Variants in TAOK2 observed in about 807,000 individuals in gnomAD.
TAOK2 encodes TAO kinase 2, also known as serine/threonine-protein kinase TAO2.
A neutral mutation model predicts 122.5 loss-of-function variants in TAOK2; 42 were observed. That is an observed-to-expected ratio of 0.34 (90% confidence interval 0.27 to 0.44). TAOK2 has a LOEUF of 0.44. Ranked by LOEUF, TAOK2 falls within the 20% of genes least tolerant of loss-of-function variation. TAOK2 has a pLI of 1.00. For synonymous variants in TAOK2, 704 were observed against 677.6 expected (o/e 1.04, Z -0.61); for missense variants, 1,264 against 1,644.9 (o/e 0.77, Z 4.01).
At position 29,987,890 on chromosome 16, in the gene TAOK2, G is replaced by GC; in HGVS notation, c.3623dup (p.Ala1209CysfsTer41). On this transcript the variant is annotated frameshift_variant, in exon 16 of 16. Transcript: ENST00000308893. LOFTEE classifies it high-confidence loss of function. ...TACCACGCAGCCAGCGCCAGCTAGGGCCCCCTGCCTCCCGCCAGCCACTGC... is the reference window on the plus strand; with the variant it reads ...TACCACGCAGCCAGCGCCAGCTAGGGCCCCCCTGCCTCCCGCCAGCCACTGC... The GC allele has an allele frequency of 6.3e-7, 1 of 1,596,142 alleles. No individual in the cohort carries two copies. The highest frequency in any genetic ancestry group is 8.5e-7 in the Non-Finnish European group (1 of 1,175,052).
chr16:29,983,582 C>T lies in TAOK2; in HGVS notation c.1340C>T (p.Pro447Leu). ...CTCCAGCCGCCTGCAGCCCCAGCTC[C>T]CACTTCCACCACCTCTTCCGCCCGC... ...SPLQPPAAPA[P>L]TSTTSSARRR... Residue 447 changes from proline (P) to leucine (L), a missense_variant, in exon 13 of 16, where the codon CCC becomes CTC. Coordinates refer to ENST00000308893, the MANE Select transcript of TAOK2 (RefSeq NM_016151.4). The T allele has an allele frequency of 1.2e-6, 2 of 1,614,042 alleles. No individual in the cohort carries two copies. The highest frequency in any genetic ancestry group is 1.1e-5 in the South Asian group (1 of 91,086).
rs1376374917 is a variant in TAOK2 at position 29,983,595 on chromosome 16, C to T, written c.1353C>T (p.Thr451=). ...PPAAPAPTST[T]SSARRRAYCR... is the part of the protein sequence containing the mutation. ...CAGCCCCAGCTCCCACTTCCACCAC[C>T]TCTTCCGCCCGCCGCCGGGCCTACT... Residue 451 remains threonine, a synonymous_variant, in exon 13 of 16, where the codon ACC becomes ACT. Transcript: ENST00000308893. 2.5e-6 allele frequency: 4 copies of T among 1,613,894 alleles called. No individual in the cohort carries two copies. Among genetic ancestry groups the T allele is most frequent in the Non-Finnish European group, 2.5e-6 (3 of 1,180,028 alleles).
chr16:29,977,405 G>A (rs1055863773), intron 1 of TAOK2, among the ~76,000 whole-genome samples: 1 of 152,172 alleles, frequency 6.6e-6, no homozygotes, highest in Admixed American at 6.5e-5. Context: ...TGCTGGCTGG[G>A]AAGCAGAATG....
In TAOK2 at chr16:29,982,868, C is replaced by T. The variant is rs199673794; in HGVS notation, c.966C>T (p.Asn322=). 1.7e-5 allele frequency: 27 copies of T among 1,614,076 alleles called. No individual in the cohort carries two copies. Among genetic ancestry groups the T allele is most frequent in the African/African-American group, 1.1e-4 (8 of 75,022 alleles). Residue 322 remains asparagine (N), a synonymous_variant, in exon 11 of 16, where the codon AAC becomes AAT. Coordinates refer to ENST00000308893, the MANE Select transcript of TAOK2 (RefSeq NM_016151.4). ...MKKILFQEAP[N]GPGAEAPEEE... is the part of the protein sequence containing the mutation. The stretch of plus-strand genomic sequence containing the variant: ...AGATCCTGTTCCAAGAGGCACCCAA[C>T]GGCCCTGGTGCCGAGGCCCCAGAGG...
Position 29,986,242 on chromosome 16 carries a change from G to A in TAOK2, c.1993-23G>A. 1.3e-6 allele frequency: 2 copies of A among 1,508,356 alleles called. No individual in the cohort carries two copies. Among genetic ancestry groups the A allele is most frequent in the Non-Finnish European group, 1.8e-6 (2 of 1,129,422 alleles). 93.4% of individuals were successfully genotyped at this position (1,508,356 alleles called of 1,614,324 possible). ...TTCCTTGATACTGACCAGGCCCCGGGCCCTGCATTTCTTCTGCCTCAGGAC... is the reference window on the plus strand; with the variant it reads ...TTCCTTGATACTGACCAGGCCCCGGACCCTGCATTTCTTCTGCCTCAGGAC... On this transcript the variant is annotated intron_variant, in intron 15 of 15. Transcript: ENST00000308893. This position sits in a 1 kb window ranked among gnomAD's most constrained non-coding sequence, Gnocchi z 4.2.
rs1184850278 is a variant in TAOK2 at position 29,986,339 on chromosome 16, G to A, written c.2067G>A (p.Glu689=). The change falls in exon 16 of 16, where the codon GAG becomes GAA. Residue 689 remains glutamate (E), a synonymous_variant. Transcript: ENST00000308893. The surrounding 1 kb of genome is among the most constrained non-coding windows in gnomAD (Gnocchi z 4.2). ...LLLRQHEATR[E]LELRQLQAVQ... Reference sequence around the variant, plus strand: ...TTCGGCAGCACGAGGCCACGCGGGAGCTGGAGCTGCGGCAGCTCCAGGCCG... The same window carrying A: ...TTCGGCAGCACGAGGCCACGCGGGAACTGGAGCTGCGGCAGCTCCAGGCCG... The A allele has an allele frequency of 4.4e-6, 7 of 1,580,890 alleles. No individual in the cohort carries two copies. In the South Asian group the frequency reaches 7.9e-5, roughly 18 times the overall value.
At position 29,985,196 on chromosome 16, in the gene TAOK2, CCT is replaced by C. The variant is rs1220071756; in HGVS notation, c.1423-11_1423-10del. ...GGCCAGGCTGAGCCCCAGCTCTCAC[CCT>C]CTCTCCTTCCCCAGGTCAGCCGTCA... On this transcript the variant is annotated splice_polypyrimidine_tract_variant and intron_variant, in intron 13 of 15. Transcript: ENST00000308893. This position sits in a 1 kb window ranked among gnomAD's most constrained non-coding sequence, Gnocchi z 6.9. 1 of 1,493,256 alleles carries C rather than the reference CCT, an allele frequency of 6.7e-7. No individual in the cohort carries two copies. The highest frequency in any genetic ancestry group is 1.4e-5 in the African/African-American group (1 of 71,224). The allele number at this position is 1,493,256 out of a possible 1,614,324, so 92.5% of individuals were successfully genotyped here. A position where few individuals can be genotyped will look rare whatever the true frequency, so the allele number is the denominator to read the frequency against.
intron 10 of TAOK2, among the ~76,000 whole-genome samples, chr16:29,982,237 G>A (rs1282297681): frequency 6.6e-6 from 1 of 152,240 alleles, no homozygotes; most frequent in African/African-American, 2.4e-5. Context: ...CTGATCTGAT[G>A]TAATGCAAGC....
At position 29,985,890 on chromosome 16, in the gene TAOK2, C is replaced by T. The variant is rs762587614; in HGVS notation, c.1992+29C>T. On this transcript the variant is annotated intron_variant, in intron 15 of 15. Transcript: ENST00000308893. The surrounding 1 kb of genome is among the most constrained non-coding windows in gnomAD (Gnocchi z 6.9). The stretch of plus-strand genomic sequence containing the variant: ...GGCATCCCAATCTCTGTTCCCCTCC[C>T]GCTCACTCGTGGATCCCAGGGACCC... The T allele has an allele frequency of 9.7e-5, 156 of 1,602,808 alleles. 4 individuals are homozygous for T. In the South Asian group the frequency reaches 1.4e-3, roughly 14 times the overall value.
rs1245208748 is a variant in TAOK2, at chr16:29,987,240, C to G, written c.2968C>G (p.Leu990Val). Residue 990 changes from leucine (L) to valine (V), a missense_variant, in exon 16 of 16, where the codon CTG becomes GTG. Around this residue, in one of 4 missense-constraint regions of TAOK2, gnomAD observed 824 missense variants for 908.7 expected, o/e 0.91. Coordinates refer to ENST00000308893, the MANE Select transcript of TAOK2 (RefSeq NM_016151.4). The stretch of plus-strand genomic sequence containing the variant: ...TGGGGGTGGCCTGCAGGCAGCGCTG[C>G]TGGCCCTTGAGGTGGGGCTGGTGGG... ...QGGGGLQAALLALEVGLVGLG... is the reference protein window; with the variant it reads ...QGGGGLQAALVALEVGLVGLG... 1 of 1,537,320 alleles carries G rather than the reference C, an allele frequency of 6.5e-7. No homozygotes were observed. Among genetic ancestry groups the G allele is most frequent in the African/African-American group, 1.4e-5 (1 of 72,142 alleles).
At chr16:29,991,310 T>C (rs1272611681), downstream of TAOK2, 3 of 1,610,240 alleles carry the variant, frequency 1.9e-6, no homozygotes. This position sits in a 1 kb window ranked among gnomAD's most constrained non-coding sequence, Gnocchi z 5.6. Flanking sequence ...GCATGCCCCC[T>C]CCAGCCTGGC....
At chr16:29,981,600 A>G (rs535689309) in intron 8 of TAOK2, 61 bp from the exon 9 acceptor site, 25 of 1,528,808 alleles carry the variant, frequency 1.6e-5, no homozygotes, top group East Asian at 1.1e-4. Flanking sequence ...TCTCAGTTCC[A>G]TTCCATTGTC....
rs1342978277 is a variant in TAOK2 at position 29,979,977 on chromosome 16, A to G, written c.655+469A>G. On this transcript the variant is annotated intron_variant, in intron 8 of 15. Coordinates refer to ENST00000308893, the MANE Select transcript of TAOK2 (RefSeq NM_016151.4). This position sits in a 1 kb window ranked among gnomAD's most constrained non-coding sequence, Gnocchi z 4.1. The stretch of plus-strand genomic sequence containing the variant: ...TCCTTGTAGGAGAATATTGAAGCCA[A>G]CCTGCAAGATAAATAATAGCTGTTT... Among the ~76,000 whole-genome samples, 1 of 152,230 alleles carries G rather than the reference A, an allele frequency of 6.6e-6. No individual in the cohort carries two copies. The highest frequency in any genetic ancestry group is 2.4e-5 in the African/African-American group (1 of 41,448).
chr16:29,980,916 T>G (rs2069592654), intron 8 of TAOK2: 1 of 152,296 alleles, frequency 6.6e-6, no homozygotes, highest in East Asian at 1.9e-4. Flanking sequence ...GGGCAGCTAA[T>G]GCTTATCTCC....
chr16:29,986,638 T>G lies in TAOK2; in HGVS notation c.2366T>G (p.Leu789Arg). The G allele has an allele frequency of 6.2e-7, 1 of 1,611,740 alleles. No homozygotes were observed. The highest frequency in any genetic ancestry group is 8.5e-7 in the Non-Finnish European group (1 of 1,179,156). The change falls in exon 16 of 16, where the codon CTT (leucine) becomes CGT (arginine). Residue 789 changes from leucine to arginine, a missense_variant. By Grantham distance (102) the Leu-to-Arg change is moderately radical. Around this residue, in one of 4 missense-constraint regions of TAOK2, gnomAD observed 824 missense variants for 908.7 expected, o/e 0.91. Transcript: ENST00000308893. The surrounding 1 kb of genome is among the most constrained non-coding windows in gnomAD (Gnocchi z 4.2). ...GQEAVLDQRM[L>R]GEEEEAVGER... ...GAGGCAGTCCTGGACCAAAGAATGC[T>G]TGGCGAGGAGGAGGAAGCAGTTGGA...
downstream of TAOK2, chr16:29,989,438 C>G (rs2069912068): frequency 1.0e-6 from 1 of 984,160 alleles, no homozygotes; most frequent in African/African-American, 1.8e-5. Context: ...AACATGTTTT[C>G]TGTTTCTCTC....
chr16:29,978,220 C>T (rs1486439363), intron 3 of TAOK2, 32 bp from the exon 4 acceptor site: 4 of 1,613,836 alleles, frequency 2.5e-6, no homozygotes, highest in Admixed American at 3.3e-5. Flanking sequence ...AAGATGCAAG[C>T]TGGGTAACCT....
rs748459741 is a variant in TAOK2, at chr16:29,987,923, T to C, written c.3651T>C (p.Thr1217=). The change falls in exon 16 of 16, where the codon ACT becomes ACC. Residue 1217 remains threonine, a synonymous_variant. Transcript: ENST00000308893. ...PPASRQPLPG[T]LAGRRSRTRQ... is the part of the protein sequence containing the mutation. Reference sequence around the variant, plus strand: ...CCTCCCGCCAGCCACTGCCAGGGACTCTAGCCGGGCGGAGGTCACGCACCC... The same window carrying C: ...CCTCCCGCCAGCCACTGCCAGGGACCCTAGCCGGGCGGAGGTCACGCACCC... The C allele has an allele frequency of 2.6e-6, 4 of 1,559,878 alleles. No individual in the cohort carries two copies. In the African/African-American group the frequency reaches 5.4e-5, roughly 21 times the overall value.
Position 29,986,713 on chromosome 16 carries a change from AGAG to A in TAOK2, c.2444_2446del (p.Arg815del). The A allele has an allele frequency of 6.2e-7, 1 of 1,614,032 alleles. No individual in the cohort carries two copies. Among genetic ancestry groups the A allele is most frequent in the South Asian group, 1.1e-5 (1 of 91,068 alleles). On this transcript the variant is annotated inframe_deletion, in exon 16 of 16. Coordinates refer to ENST00000308893, the MANE Select transcript of TAOK2 (RefSeq NM_016151.4). The surrounding 1 kb of genome is among the most constrained non-coding windows in gnomAD (Gnocchi z 4.2). ...GGGGCCACTTTGGAGCCCAAGCAGCAGAGGATTCTGGGGGAAGAATCAGGAGCC... is the reference window on the plus strand; with the variant it reads ...GGGGCCACTTTGGAGCCCAAGCAGCAGATTCTGGGGGAAGAATCAGGAGCC...
Sources: gnomAD v4.1 joint callset for allele counts (sites outside exome capture counted in the v4.1 genomes callset) on GRCh38, gnomAD v4.1.1 for gene constraint, gnomAD v4.1.1 regional missense constraint, Gnocchi (gnomAD v3.1) non-coding constraint, MANE v1.5 for transcripts, NCBI Gene and HGNC (gene_info 2026-07-23, HGNC 2026-07-21) for gene names.